Variants in GRIN2A observed in about 807,000 individuals in gnomAD.
GRIN2A encodes the protein glutamate ionotropic receptor NMDA type subunit 2A.
Under a neutral mutation model 113.4 loss-of-function variants are expected in GRIN2A, and 22 were observed. That is an observed-to-expected ratio of 0.19 (90% CI 0.14 to 0.28). The LOEUF (loss-of-function observed/expected upper bound fraction) is 0.28, where lower values mean the gene tolerates loss of function less well. Ranked by LOEUF, GRIN2A falls within the 10% of genes least tolerant of loss-of-function variation. The probability of loss-of-function intolerance (pLI) is 1.00; values close to 1 mark genes in which losing one functional copy is unlikely to be tolerated. For missense variants in GRIN2A, 1,502 were observed against 1,887.0 expected (o/e 0.80, Z 3.78); for synonymous variants, 827 against 738.4 (o/e 1.12, Z -1.94).
intron 3 of GRIN2A, among the ~76,000 whole-genome samples, chr16:9,895,207 G>A (rs2043780455): frequency 6.6e-6 from 1 of 152,194 alleles, no homozygotes. Context: ...AGAAGCAGTG[G>A]CTAATTCTAT....
intron 2 of GRIN2A, among the ~76,000 whole-genome samples, chr16:10,037,684 G>A (rs1043268492): frequency 1.1e-4 from 17 of 152,074 alleles, no homozygotes; most frequent in African/African-American, 2.4e-4. Context: ...GGTGTGCAGC[G>A]GAGTGATCAG....
chr16:10,081,152 G>T (rs1472865455), intron 2 of GRIN2A, among the ~76,000 whole-genome samples: 2 of 152,122 alleles, frequency 1.3e-5, no homozygotes, highest in Non-Finnish European at 2.9e-5. Flanking sequence ...GCTCTTACAT[G>T]CTTCGTCCTG....
intron 2 of GRIN2A, among the ~76,000 whole-genome samples, chr16:9,993,603 C>G (rs1331497118): frequency 2.0e-5 from 3 of 152,068 alleles, no homozygotes; most frequent in African/African-American, 7.3e-5. Flanking sequence ...TTTGTTTTCC[C>G]TAAAAATTGA....
At position 10,180,461 on chromosome 16, in the gene GRIN2A, G is replaced by A. The variant is rs2142391957; in HGVS notation, c.-18-32C>T. On this transcript the variant is annotated intron_variant, in intron 1 of 12. Transcript: ENST00000330684. The surrounding 1 kb of genome is among the most constrained non-coding windows in gnomAD (Gnocchi z 7.0). ...GGTGAAGAGTGAGAGGCAGGGCCGCGGTGAGCAAGGCGACCAGAAGAAAGG... is the reference window on the plus strand; with the variant it reads ...GGTGAAGAGTGAGAGGCAGGGCCGCAGTGAGCAAGGCGACCAGAAGAAAGG... The A allele has an allele frequency of 3.2e-6, 5 of 1,578,528 alleles. No individual in the cohort carries two copies. The highest frequency in any genetic ancestry group is 3.4e-6 in the Non-Finnish European group (4 of 1,168,522).
intron 2 of GRIN2A, chr16:10,112,511 C>G: frequency 1.1e-6 from 1 of 872,178 alleles, no homozygotes; most frequent in Non-Finnish European, 2.0e-6. Context: ...GGCCCTGGCC[C>G]TTGGAGCCTC....
At chr16:10,169,965 A>G (rs745443455) in intron 2 of GRIN2A, among the ~76,000 whole-genome samples, 2 of 152,210 alleles carry the variant, frequency 1.3e-5, no homozygotes, top group Non-Finnish European at 2.9e-5. Context: ...TACAAAATAA[A>G]CAAACAAACA....
At chr16:10,045,537 TCTTCTG>T (rs2047243508) in intron 2 of GRIN2A, among the ~76,000 whole-genome samples, 1 of 152,174 alleles carries the variant, frequency 6.6e-6, no homozygotes, top group Admixed American at 6.5e-5. Flanking sequence ...TCCTGACTGA[TCTTCTG>T]CCAGAGGTGA....
intron 2 of GRIN2A, among the ~76,000 whole-genome samples, chr16:10,043,821 C>T (rs980698687): frequency 1.3e-5 from 2 of 151,932 alleles, no homozygotes; most frequent in African/African-American, 2.4e-5. Context: ...GCATTTGATG[C>T]TTAATATACA....
chr16:10,127,090 A>T (rs1414824431), intron 2 of GRIN2A, among the ~76,000 whole-genome samples: 1 of 152,110 alleles, frequency 6.6e-6, no homozygotes, highest in Non-Finnish European at 1.5e-5. Context: ...GGGGCCAAGA[A>T]TTTCTCTCAT....
rs533297012 is a variant in GRIN2A, at chr16:9,794,417, G to A, written c.2356+3860C>T. 2.0e-5 allele frequency among the ~76,000 whole-genome samples: 3 copies of A among 152,332 alleles called. No individual in the cohort carries two copies. In the South Asian group the frequency reaches 6.2e-4, roughly 32 times the overall value. On this transcript the variant is annotated intron_variant, in intron 11 of 12. Transcript: ENST00000330684. Reference sequence around the variant, plus strand: ...GAATAATTAGGTACTGCTCAGCACTGTGCTCTTTACACGTCTAATTTTAGA... The same window carrying A: ...GAATAATTAGGTACTGCTCAGCACTATGCTCTTTACACGTCTAATTTTAGA...
At chr16:9,812,945 A>G (rs910840700) in intron 10 of GRIN2A, among the ~76,000 whole-genome samples, 4 of 152,190 alleles carry the variant, frequency 2.6e-5, no homozygotes, top group Admixed American at 2.6e-4. Context: ...TCCAAGCAAA[A>G]AGAAAACCAT....
At chr16:10,061,660 TA>T (rs1383126070) in intron 2 of GRIN2A, among the ~76,000 whole-genome samples, 1 of 152,200 alleles carries the variant, frequency 6.6e-6, no homozygotes, top group African/African-American at 2.4e-5. Flanking sequence ...TTATAAACTC[TA>T]AGTGCCTCTT....
chr16:9,835,317 A>C (rs966091497), intron 7 of GRIN2A, among the ~76,000 whole-genome samples: 1 of 152,252 alleles, frequency 6.6e-6, no homozygotes, highest in Non-Finnish European at 1.5e-5. Flanking sequence ...AGTTTTCATC[A>C]GCTCATTTGC....
At chr16:9,995,374 A>G (rs1249861226) in intron 2 of GRIN2A, among the ~76,000 whole-genome samples, 1 of 152,230 alleles carries the variant, frequency 6.6e-6, no homozygotes, top group Admixed American at 6.5e-5. Flanking sequence ...GGGATAGATG[A>G]CGAATTAGGA....
At chr16:9,999,769 C>G (rs533787631) in intron 2 of GRIN2A, among the ~76,000 whole-genome samples, 1 of 152,060 alleles carries the variant, frequency 6.6e-6, no homozygotes, top group Non-Finnish European at 1.5e-5. Context: ...AAGCAAGATA[C>G]GGAGGCTAAT....
chr16:9,884,004 A>G (rs934457885), intron 4 of GRIN2A, among the ~76,000 whole-genome samples: 6 of 152,076 alleles, frequency 3.9e-5, no homozygotes, highest in African/African-American at 1.4e-4. Context: ...GTTTTGTCCT[A>G]TTTACATTTA....
At chr16:9,996,966 A>T (rs1052879551) in intron 2 of GRIN2A, among the ~76,000 whole-genome samples, 2 of 152,212 alleles carry the variant, frequency 1.3e-5, no homozygotes, top group African/African-American at 4.8e-5. Context: ...TTTCAAACAA[A>T]AAAACGCCAA....
intron 2 of GRIN2A, among the ~76,000 whole-genome samples, chr16:10,120,549 C>G (rs960772299): frequency 6.6e-6 from 1 of 151,766 alleles, no homozygotes; most frequent in African/African-American, 2.4e-5. Context: ...AATTTTACCT[C>G]TGTATTAAAA....
chr16:10,147,494 G>A (rs1187350282), intron 2 of GRIN2A, among the ~76,000 whole-genome samples: 1 of 148,460 alleles, frequency 6.7e-6, no homozygotes. Flanking sequence ...CAGGCATGCA[G>A]GCATGGTGGT....
Sources: allele counts gnomAD v4.1 joint callset (sites outside exome capture counted in the v4.1 genomes callset), GRCh38; gene constraint gnomAD v4.1.1; non-coding constraint Gnocchi (gnomAD v3.1); transcripts MANE v1.5; gene names NCBI Gene and HGNC (gene_info 2026-07-23, HGNC 2026-07-21).